Variants in CORO2B observed in about 807,000 individuals in gnomAD.
CORO2B encodes the protein coronin-2B.
CORO2B carries 26 observed loss-of-function variants against 58.8 expected under a neutral mutation model. The observed-to-expected ratio is 0.44, with a 90% confidence interval of 0.32 to 0.61. The LOEUF (loss-of-function observed/expected upper bound fraction) is 0.61. Ranked by LOEUF, CORO2B falls within the 20% of genes least tolerant of loss-of-function variation. The pLI, the probability that CORO2B is intolerant of heterozygous loss-of-function variation, is 0.04. For missense variants in CORO2B, 460 were observed against 645.1 expected (o/e 0.71, Z 3.11); for synonymous variants, 242 against 253.8 (o/e 0.95, Z 0.44).
At chr15:68,632,825 CA>C (rs1187886233) in intron 1 of CORO2B, among the ~76,000 whole-genome samples, 2 of 152,194 alleles carry the variant, frequency 1.3e-5, no homozygotes, top group Non-Finnish European at 2.9e-5. Context: ...CTCCTGACCT[CA>C]AGTGATCTGC....
the CORO2B span, among the ~76,000 whole-genome samples, chr15:68,531,922 T>C: frequency 4.5e-4 from 68 of 152,152 alleles, no homozygotes; most frequent in African/African-American, 1.5e-3. Context: ...TGAAGGATAT[T>C]TTTACTGAAT....
the CORO2B span, among the ~76,000 whole-genome samples, chr15:68,566,723 G>A: frequency 6.6e-6 from 1 of 152,162 alleles, no homozygotes; most frequent in Non-Finnish European, 1.5e-5. Context: ...GAGACAAAAA[G>A]TCATCCTGGA....
chr15:68,647,736 C>T (rs1014382276), intron 2 of CORO2B, among the ~76,000 whole-genome samples: 2 of 141,654 alleles, frequency 1.4e-5, no homozygotes, highest in Admixed American at 7.1e-5. Flanking sequence ...GGCCAGGTGC[C>T]GTGGCTCACG....
chr15:68,574,778 T>C (rs1899246946), upstream of CORO2B, among the ~76,000 whole-genome samples: 1 of 152,136 alleles, frequency 6.6e-6, no homozygotes, highest in South Asian at 2.1e-4. Context: ...ACAGGGTGAA[T>C]CAGGCGACCA....
At chr15:68,642,006 AGAGT>A (rs1367759972) in intron 1 of CORO2B, among the ~76,000 whole-genome samples, 1 of 149,416 alleles carries the variant, frequency 6.7e-6, no homozygotes, top group African/African-American at 2.5e-5. Context: ...TGGGATTACA[AGAGT>A]GACTCACCTA....
upstream of CORO2B, among the ~76,000 whole-genome samples, chr15:68,576,173 A>AAAAAAAAAAAAAAAAAGAAAG (rs1555409381): frequency 9.6e-6 from 1 of 103,844 alleles, no homozygotes; most frequent in Non-Finnish European, 1.9e-5. Flanking sequence ...AAAAAAAAAA[A>AAAAAAAAAAAAAAAAAGAAAG]AAAGAAAGAA....
chr15:68,726,183 G>C lies in CORO2B; in HGVS notation c.*209G>C, dbSNP rs763925280. ...AGTCCCCAGCTTCTGGAGACCCCCT[G>C]CCGGCAGCCCCTTTCCCTGCCACCC... On this transcript the variant is annotated 3_prime_UTR_variant, in exon 12 of 12. Coordinates refer to ENST00000261861, the MANE Select transcript of CORO2B (RefSeq NM_006091.5). 1.0e-5 allele frequency: 6 copies of C among 587,752 alleles called. No homozygotes were observed. Among genetic ancestry groups the C allele is most frequent in the Non-Finnish European group, 1.7e-5 (6 of 350,480 alleles). The allele number at this position is 587,752 out of a possible 1,614,324, so 36.4% of individuals were successfully genotyped here. A position where few individuals can be genotyped will look rare whatever the true frequency, so the allele number is the denominator to read the frequency against.
chr15:68,718,893 AC>A, intron 9 of CORO2B, 83 bp downstream of exon 9: 1 of 1,237,714 alleles, frequency 8.1e-7, no homozygotes, highest in Non-Finnish European at 1.2e-6. Flanking sequence ...CCCTGGAGAA[AC>A]CCAGGTGAGA....
chr15:68,637,362 C>T (rs1162985630), intron 1 of CORO2B, among the ~76,000 whole-genome samples: 1 of 152,240 alleles, frequency 6.6e-6, no homozygotes, highest in East Asian at 1.9e-4. Flanking sequence ...CTGTGTTCCT[C>T]CTGTGTGTCC....
At position 68,579,039 on chromosome 15, in the gene CORO2B, A is replaced by G; in HGVS notation, c.-224A>G. The G allele has an allele frequency of 1.0e-6, 1 of 984,426 alleles. No homozygotes were observed. Among genetic ancestry groups the G allele is most frequent in the Non-Finnish European group, 1.2e-6 (1 of 829,656 alleles). 61.0% of individuals were successfully genotyped at this position (984,426 alleles called of 1,614,324 possible). ...GGCGAAGGAGGCTCATCTATTATAA[A>G]TGCACATTCGGGGCTGACATCAGCG... On this transcript the variant is annotated 5_prime_UTR_variant, in exon 1 of 12. An upstream start codon of the reference 5' UTR is lost. Coordinates refer to ENST00000261861, the MANE Select transcript of CORO2B (RefSeq NM_006091.5).
the CORO2B span, among the ~76,000 whole-genome samples, chr15:68,550,605 T>C: frequency 6.6e-6 from 1 of 152,192 alleles, no homozygotes; most frequent in Admixed American, 6.5e-5. Context: ...TTAGGGACCG[T>C]TATTACTGTC....
At chr15:68,553,562 C>T in the CORO2B span, among the ~76,000 whole-genome samples, 151,840 of 152,384 alleles carry the variant, frequency 1, 75,651 homozygotes, top group Middle Eastern at 1. Flanking sequence ...CATCTTAGTC[C>T]TATGGCCTCC....
At chr15:68,630,280 C>G (rs551343386) in intron 1 of CORO2B, among the ~76,000 whole-genome samples, 1 of 152,310 alleles carries the variant, frequency 6.6e-6, no homozygotes, top group South Asian at 2.1e-4. Flanking sequence ...ACTTGACTAT[C>G]GCTCCCTCGA....
upstream of CORO2B, among the ~76,000 whole-genome samples, chr15:68,578,421 C>A (rs1383919124): frequency 6.6e-6 from 1 of 152,208 alleles, no homozygotes; most frequent in Non-Finnish European, 1.5e-5. This position sits in a 1 kb window ranked among gnomAD's most constrained non-coding sequence, Gnocchi z 4.2. Flanking sequence ...ACTAAGGCGG[C>A]CTTCGGGCAA....
chr15:68,575,346 T>C (rs994796522), upstream of CORO2B, among the ~76,000 whole-genome samples: 16 of 151,532 alleles, frequency 1.1e-4, no homozygotes, highest in Non-Finnish European at 1.8e-4. Context: ...CTTTTTCTTT[T>C]TTTTTTTTTT....
chr15:68,718,994 A>C, intron 9 of CORO2B, 150 bp from the exon 10 acceptor site: 1 of 823,310 alleles, frequency 1.2e-6, no homozygotes, highest in South Asian at 1.5e-5. Flanking sequence ...GAGTGCAGTC[A>C]GGTAGTTCCA....
At chr15:68,668,475 A>T (rs1267108466) in intron 2 of CORO2B, among the ~76,000 whole-genome samples, 2 of 152,234 alleles carry the variant, frequency 1.3e-5, no homozygotes, top group African/African-American at 4.8e-5. Context: ...GAGACTTGTG[A>T]TGGATATGTT....
the CORO2B span, among the ~76,000 whole-genome samples, chr15:68,552,638 C>T: frequency 6.6e-6 from 1 of 152,128 alleles, no homozygotes; most frequent in Non-Finnish European, 1.5e-5. Flanking sequence ...AGACTGCCTC[C>T]TGCACACACT....
At chr15:68,634,635 C>T (rs984041396) in intron 1 of CORO2B, among the ~76,000 whole-genome samples, 22 of 152,186 alleles carry the variant, frequency 1.4e-4, no homozygotes, top group African/African-American at 4.6e-4. Flanking sequence ...CACCTGGCAA[C>T]GTGTTAGGGA....
Sources: gnomAD v4.1 joint callset for allele counts (sites outside exome capture counted in the v4.1 genomes callset) on GRCh38, gnomAD v4.1.1 for gene constraint, Gnocchi (gnomAD v3.1) non-coding constraint, MANE v1.5 for transcripts, NCBI Gene and HGNC (gene_info 2026-07-23, HGNC 2026-07-21) for gene names.